Variants in VGLL4 observed in about 807,000 individuals in gnomAD.
VGLL4 encodes transcription cofactor vestigial-like protein 4.
In VGLL4, 7 loss-of-function variants were observed where a neutral mutation model predicts 21.0. That is an observed-to-expected ratio of 0.33 (90% CI 0.19 to 0.63). The LOEUF (loss-of-function observed/expected upper bound fraction) is 0.63, where lower values mean the gene tolerates loss of function less well. Among genes scored for constraint, VGLL4 ranks in the 20% least tolerant of loss-of-function variants. VGLL4 has a pLI of 0.78. For synonymous variants in VGLL4, 222 were observed against 173.2 expected (o/e 1.28, Z -2.21); for missense variants, 394 against 425.7 (o/e 0.93, Z 0.66).
At chr3:11,710,572 C>G (rs1287256233) in intron 1 of VGLL4, 1 of 152,238 alleles carries the variant, frequency 6.6e-6, no homozygotes, top group Non-Finnish European at 1.5e-5. Context: ...CAGAAACAGA[C>G]AGACATCACT....
At chr3:11,684,567 G>C (rs2076418481) in intron 2 of VGLL4, among the ~76,000 whole-genome samples, 1 of 151,936 alleles carries the variant, frequency 6.6e-6, no homozygotes, top group Non-Finnish European at 1.5e-5. Context: ...TTTTTGCAGA[G>C]ACAGGGTTTT....
chr3:11,631,261 C>CCCT (rs34851854), intron 1 of VGLL4, among the ~76,000 whole-genome samples: 17,241 of 152,086 alleles, frequency 0.11, 1,258 homozygotes, highest in South Asian at 0.21. Flanking sequence ...AGAATGCTCT[C>CCCT]CCTCTTGATC....
chr3:11,579,076 A>G (rs1355421003), intron 2 of VGLL4, among the ~76,000 whole-genome samples: 2 of 152,180 alleles, frequency 1.3e-5, no homozygotes, highest in African/African-American at 4.8e-5. Context: ...AAGTACTAAT[A>G]GACCGTAAGG....
intron 1 of VGLL4, among the ~76,000 whole-genome samples, chr3:11,625,717 A>T (rs1268934861): frequency 1.3e-5 from 2 of 150,290 alleles, no homozygotes; most frequent in East Asian, 1.9e-4. Context: ...CTTTAAAAAC[A>T]TTTTTTTTTT....
chr3:11,666,178 G>A (rs1050470887), intron 2 of VGLL4, among the ~76,000 whole-genome samples: 1 of 151,960 alleles, frequency 6.6e-6, no homozygotes, highest in Non-Finnish European at 1.5e-5. Context: ...CGTGAACCCG[G>A]GAGGCGGAGC....
At chr3:11,681,349 A>C (rs6766727) in intron 2 of VGLL4, among the ~76,000 whole-genome samples, 1 of 152,102 alleles carries the variant, frequency 6.6e-6, no homozygotes, top group African/African-American at 2.4e-5. Context: ...CACCTGCCCC[A>C]GCCTCCCAAA....
intron 2 of VGLL4, among the ~76,000 whole-genome samples, chr3:11,682,443 T>TAA (rs1290176426): frequency 0.026 from 3,620 of 139,514 alleles, 156 homozygotes; most frequent in African/African-American, 0.092. Flanking sequence ...GCAGGTGTGG[T>TAA]GGTGGGCACC....
chr3:11,571,419 C>G (rs1016298166), intron 2 of VGLL4, among the ~76,000 whole-genome samples: 2 of 152,234 alleles, frequency 1.3e-5, no homozygotes, highest in African/African-American at 4.8e-5. Flanking sequence ...TGCAGTGACT[C>G]ACGCCTGTAA....
intron 2 of VGLL4, among the ~76,000 whole-genome samples, chr3:11,583,749 G>T (rs912481798): frequency 6.6e-6 from 1 of 152,164 alleles, no homozygotes; most frequent in Non-Finnish European, 1.5e-5. Flanking sequence ...GCTCCGCCAA[G>T]GATGGGCACA....
intron 1 of VGLL4, among the ~76,000 whole-genome samples, chr3:11,606,404 G>A (rs557520677): frequency 1.3e-5 from 2 of 152,328 alleles, no homozygotes; most frequent in African/African-American, 4.8e-5. Flanking sequence ...CTGTTAGGAT[G>A]GCTATGATCA....
In VGLL4 at chr3:11,643,640, C is replaced by T; in HGVS notation, c.-122G>A. 1 of 1,507,362 alleles carries T rather than the reference C, an allele frequency of 6.6e-7. No individual in the cohort carries two copies. Among genetic ancestry groups the T allele is most frequent in the Non-Finnish European group, 8.8e-7 (1 of 1,135,328 alleles). The allele number at this position is 1,507,362 out of a possible 1,614,324, so 93.4% of individuals were successfully genotyped here. ...CTTCACAAAGGCAGAGGCCCAGCCT[C>T]AGACTATCAAAACAAAGTATGCAAA... On this transcript the variant is annotated 5_prime_UTR_variant, in exon 1 of 5. Transcript: ENST00000430365.
chr3:11,581,653 T>C (rs564509925), intron 2 of VGLL4, among the ~76,000 whole-genome samples: 2 of 152,336 alleles, frequency 1.3e-5, no homozygotes, highest in South Asian at 4.1e-4. Context: ...TAATTGGTCC[T>C]GCACTCTAAG....
intron 1 of VGLL4, among the ~76,000 whole-genome samples, chr3:11,639,256 C>CCCTGTT (rs2075643104): frequency 6.6e-6 from 1 of 152,238 alleles, no homozygotes; most frequent in African/African-American, 2.4e-5. Context: ...CTGTCCCTGT[C>CCCTGTT]CCTGCTCCCT....
intron 2 of VGLL4, chr3:11,671,484 C>T: frequency 1.5e-6 from 1 of 666,648 alleles, no homozygotes; most frequent in South Asian, 1.6e-5. Flanking sequence ...CCCAGGTGTA[C>T]AAAAATCCAT....
At chr3:11,665,238 C>T (rs996320176) in intron 2 of VGLL4, among the ~76,000 whole-genome samples, 1 of 150,586 alleles carries the variant, frequency 6.6e-6, no homozygotes, top group Admixed American at 6.6e-5. Context: ...CTCAGCCTCC[C>T]GAGTAGCTGG....
At chr3:11,576,114 G>A (rs1052704860) in intron 2 of VGLL4, among the ~76,000 whole-genome samples, 2 of 152,224 alleles carry the variant, frequency 1.3e-5, no homozygotes, top group East Asian at 1.9e-4. Context: ...AACATGACCG[G>A]TAAAGCATCT....
At chr3:11,687,413 G>T (rs2076464490) in intron 2 of VGLL4, among the ~76,000 whole-genome samples, 1 of 152,130 alleles carries the variant, frequency 6.6e-6, no homozygotes, top group Non-Finnish European at 1.5e-5. Context: ...CATGTATCTT[G>T]TTAGATATGT....
chr3:11,625,275 T>G (rs2075330870), intron 1 of VGLL4, among the ~76,000 whole-genome samples: 1 of 152,230 alleles, frequency 6.6e-6, no homozygotes, highest in South Asian at 2.1e-4. Flanking sequence ...TTTTAAATCC[T>G]AATAGTAGGC....
upstream of VGLL4, chr3:11,721,731 G>A (rs1339815499): frequency 2.6e-5 from 4 of 152,222 alleles, no homozygotes; most frequent in East Asian, 7.7e-4. Context: ...AAGGGTTTTA[G>A]ATTCAGACAG....
Sources: gnomAD v4.1 joint callset for allele counts (sites outside exome capture counted in the v4.1 genomes callset) on GRCh38, gnomAD v4.1.1 for gene constraint, MANE v1.5 for transcripts, NCBI Gene and HGNC (gene_info 2026-07-23, HGNC 2026-07-21) for gene names.